Variants in ETS1 observed in about 807,000 individuals in gnomAD.
ETS1 encodes the protein ETS proto-oncogene 1, transcription factor, also known as protein C-ets-1.
Under a neutral mutation model 58.6 loss-of-function variants are expected in ETS1, and 15 were observed. The ratio of observed to expected loss-of-function variants is 0.26; its 90% CI spans 0.17 to 0.39. The LOEUF is 0.39. Ranked by LOEUF, ETS1 falls within the 10% of genes least tolerant of loss-of-function variation. The pLI is 1.00. For synonymous variants in ETS1, 214 were observed against 218.2 expected, an observed-to-expected ratio of 0.98 and a Z score of 0.17; for missense variants, 417 against 610.5, an observed-to-expected ratio of 0.68 and a Z score of 3.34.
At chr11:128,529,319 G>C (rs953878613) in intron 3 of ETS1, among the ~76,000 whole-genome samples, 1 of 152,164 alleles carries the variant, frequency 6.6e-6, no homozygotes, top group East Asian at 1.9e-4. Flanking sequence ...TTGAGGAAGG[G>C]TATGGGTTGG....
chr11:128,497,551 T>C (rs961056726), intron 3 of ETS1: 1 of 979,656 alleles, frequency 1.0e-6, no homozygotes, highest in Non-Finnish European at 1.2e-6. Flanking sequence ...ACCACTGAAG[T>C]CCTGAGGATT....
intron 8 of ETS1, among the ~76,000 whole-genome samples, chr11:128,476,825 G>C (rs150665335): frequency 3.3e-5 from 5 of 152,358 alleles, no homozygotes; most frequent in Admixed American, 2.0e-4. Flanking sequence ...TTCACAGTAA[G>C]GTAAGAAGGT....
intron 1 of ETS1, among the ~76,000 whole-genome samples, chr11:128,587,081 A>G (rs1865046772): frequency 6.6e-6 from 1 of 152,148 alleles, no homozygotes; most frequent in East Asian, 1.9e-4. Context: ...GAAAAAAGTA[A>G]AACAATAGAT....
At chr11:128,568,913 G>A (rs1347403250) in intron 2 of ETS1, among the ~76,000 whole-genome samples, 5 of 152,226 alleles carry the variant, frequency 3.3e-5, no homozygotes, top group African/African-American at 1.2e-4. Context: ...GCCCCTCGGA[G>A]CAGGAACACA....
intron 1 of ETS1, among the ~76,000 whole-genome samples, chr11:128,586,363 C>T (rs1162471737): frequency 6.6e-6 from 1 of 152,194 alleles, no homozygotes; most frequent in Non-Finnish European, 1.5e-5. Flanking sequence ...GCAAGACTCT[C>T]AACAGCAGCA....
At chr11:128,479,609 C>T (rs1157738809) in intron 8 of ETS1, among the ~76,000 whole-genome samples, 1 of 152,186 alleles carries the variant, frequency 6.6e-6, no homozygotes, top group Non-Finnish European at 1.5e-5. Context: ...ATAACTATAG[C>T]TTTCGCTCCT....
At chr11:128,504,498 T>C (rs182205042) in intron 3 of ETS1, among the ~76,000 whole-genome samples, 2 of 152,356 alleles carry the variant, frequency 1.3e-5, no homozygotes, top group East Asian at 1.9e-4. Context: ...GGATGAAAAG[T>C]GGAGAGAAGG....
Position 128,556,282 on chromosome 11 carries a change from T to C in ETS1, c.214+9A>G. On this transcript the variant is annotated intron_variant, in intron 3 of 9. Transcript: ENST00000392668. ...TATCCTCATTCCCAGCTTTTGTTTA[T>C]GTTCCTACCTGAGACACAGTGTTCA... The C allele has an allele frequency of 1.3e-6, 2 of 1,598,714 alleles. No homozygotes were observed. The highest frequency in any genetic ancestry group is 1.7e-6 in the Non-Finnish European group (2 of 1,174,758).
intron 3 of ETS1, among the ~76,000 whole-genome samples, chr11:128,533,433 A>G (rs1212428799): frequency 6.6e-6 from 1 of 152,170 alleles, no homozygotes; most frequent in Non-Finnish European, 1.5e-5. Flanking sequence ...CCTCACCGCC[A>G]AACAGATAAA....
intron 8 of ETS1, among the ~76,000 whole-genome samples, chr11:128,474,729 C>T (rs1325113489): frequency 1.3e-5 from 2 of 152,230 alleles, no homozygotes; most frequent in African/African-American, 2.4e-5. Context: ...AGCATCTCAG[C>T]TGCTGGCTGA....
chr11:128,511,614 G>T (rs186726921), intron 3 of ETS1, among the ~76,000 whole-genome samples: 13 of 152,344 alleles, frequency 8.5e-5, no homozygotes, highest in African/African-American at 3.1e-4. Context: ...TGTGGGACTT[G>T]TTATAGATGC....
intron 7 of ETS1, among the ~76,000 whole-genome samples, chr11:128,482,423 G>A (rs1408497385): frequency 6.6e-6 from 1 of 152,154 alleles, no homozygotes; most frequent in African/African-American, 2.4e-5. Context: ...TTATGCTAAA[G>A]TCTCTCTGAA....
chr11:128,484,680 TG>T, intron 7 of ETS1, 142 bp downstream of exon 7: 2 of 701,120 alleles, frequency 2.9e-6, no homozygotes, highest in Non-Finnish European at 4.7e-6. Flanking sequence ...TCTTAGTATC[TG>T]GACACTCTAA....
chr11:128,539,719 G>A (rs1864026299), intron 3 of ETS1, among the ~76,000 whole-genome samples: 1 of 152,080 alleles, frequency 6.6e-6, no homozygotes, highest in South Asian at 2.1e-4. Flanking sequence ...AAAGTGAAAA[G>A]CACCTAAATG....
chr11:128,515,821 G>C (rs562637029), intron 3 of ETS1, among the ~76,000 whole-genome samples: 1 of 152,110 alleles, frequency 6.6e-6, no homozygotes, highest in South Asian at 2.1e-4. Context: ...ACAACTCTTA[G>C]AGACAGTACT....
At chr11:128,517,332 T>C (rs1409018831) in intron 3 of ETS1, among the ~76,000 whole-genome samples, 3 of 152,242 alleles carry the variant, frequency 2.0e-5, no homozygotes, top group Non-Finnish European at 4.4e-5. Flanking sequence ...ATTTTAGGTA[T>C]AAAATGCCTA....
At chr11:128,473,404 A>G (rs773387215) in intron 8 of ETS1, among the ~76,000 whole-genome samples, 7 of 152,340 alleles carry the variant, frequency 4.6e-5, no homozygotes, top group South Asian at 2.1e-4. Context: ...TGCTCTCCAT[A>G]AACTAATTCA....
In ETS1 at chr11:128,489,285, T is replaced by A; in HGVS notation, c.535+5A>T. 1.9e-6 allele frequency: 3 copies of A among 1,613,554 alleles called. No homozygotes were observed. The highest frequency in any genetic ancestry group is 1.7e-6 in the Non-Finnish European group (2 of 1,179,498). ...CTCCACCTCTCTCTGTTTCCACATA[T>A]TTACCTTTCTGCAGGATCTCTAGAT... On this transcript the variant is annotated splice_donor_5th_base_variant and intron_variant, in intron 5 of 9. Coordinates refer to ENST00000392668, the MANE Select transcript of ETS1 (RefSeq NM_001143820.2).
intron 3 of ETS1, among the ~76,000 whole-genome samples, chr11:128,514,367 T>G (rs867019002): frequency 2.0e-5 from 3 of 152,202 alleles, no homozygotes; most frequent in Non-Finnish European, 4.4e-5. Context: ...GGTCCTGGCC[T>G]CCTACTTCCT....
Sources: gnomAD v4.1 joint callset for allele counts (sites outside exome capture counted in the v4.1 genomes callset) on GRCh38, gnomAD v4.1.1 for gene constraint, MANE v1.5 for transcripts, NCBI Gene and HGNC (gene_info 2026-07-23, HGNC 2026-07-21) for gene names.